The following ARHGAP6 variants were observed in gnomAD, a reference collection of about 807,000 sequenced individuals.
The protein encoded by ARHGAP6 is rho GTPase-activating protein 6.
ARHGAP6 carries 16 observed loss-of-function variants against 55.7 expected under a neutral mutation model. The observed-to-expected ratio is 0.29, with a 90% CI of 0.19 to 0.44. The LOEUF (loss-of-function observed/expected upper bound fraction) is 0.44, where lower values mean the gene tolerates loss of function less well. Among genes scored for constraint, ARHGAP6 ranks in the 20% least tolerant of loss-of-function variants. The pLI is 1.00. For missense variants in ARHGAP6, 698 were observed against 808.9 expected (o/e 0.86, Z 1.66); for synonymous variants, 382 against 360.9 (o/e 1.06, Z -0.66).
chrX:11,359,817 A>G (rs1379736144), intron 1 of ARHGAP6, among the ~76,000 whole-genome samples: 1 of 112,082 alleles, frequency 8.9e-6, no homozygotes, highest in Non-Finnish European at 1.9e-5. Context: ...AAAATGATAA[A>G]GGGGATATCA....
intron 2 of ARHGAP6, among the ~76,000 whole-genome samples, chrX:11,219,242 A>C (rs1447207571): frequency 1.4e-4 from 15 of 104,349 alleles, no homozygotes; most frequent in Admixed American, 1.4e-3. Context: ...GCTGCATAGT[A>C]TTCCATGGTG....
At chrX:11,606,631 T>C (rs1334916983) in intron 1 of ARHGAP6, among the ~76,000 whole-genome samples, 3 of 111,306 alleles carry the variant, frequency 2.7e-5, no homozygotes, top group Non-Finnish European at 3.8e-5. Context: ...AGGGAACACA[T>C]AGGGGAAAGC....
At chrX:11,413,336 T>C (rs1473319712) in intron 1 of ARHGAP6, among the ~76,000 whole-genome samples, 2 of 112,453 alleles carry the variant, frequency 1.8e-5, no homozygotes, top group Non-Finnish European at 3.8e-5. Context: ...CAGGAAATGA[T>C]AGCGGGAGGC....
At chrX:11,518,285 T>G (rs1238248415) in intron 1 of ARHGAP6, among the ~76,000 whole-genome samples, 1 of 109,814 alleles carries the variant, frequency 9.1e-6, no homozygotes, top group Non-Finnish European at 1.9e-5. Context: ...TGACTACAGA[T>G]GCATACCACC....
chrX:11,504,029 C>T (rs1193784553), intron 1 of ARHGAP6, among the ~76,000 whole-genome samples: 1 of 109,913 alleles, frequency 9.1e-6, no homozygotes, highest in Non-Finnish European at 1.9e-5. Context: ...GTGGTCTTGG[C>T]TGATGGAGTT....
At chrX:11,221,853 G>T (rs1202673631) in intron 2 of ARHGAP6, among the ~76,000 whole-genome samples, 4 of 111,006 alleles carry the variant, frequency 3.6e-5, no homozygotes, top group Non-Finnish European at 7.6e-5. Flanking sequence ...CATAGTACCT[G>T]ATGGGTGGTT....
intron 1 of ARHGAP6, among the ~76,000 whole-genome samples, chrX:11,606,564 A>G (rs755381278): frequency 9.0e-6 from 1 of 111,594 alleles, no homozygotes. Context: ...ATAGGGTCAC[A>G]TCATTAGTTA....
chrX:11,262,652 G>C (rs1209065267), intron 1 of ARHGAP6, among the ~76,000 whole-genome samples: 1 of 111,307 alleles, frequency 9.0e-6, no homozygotes, highest in African/African-American at 3.3e-5. Context: ...TAAACACGTA[G>C]GTTCCTTTGG....
In ARHGAP6 at chrX:11,318,812, T is replaced by C. The variant is rs1025422492; in HGVS notation, c.589-64105A>G. Reference sequence around the variant, plus strand: ...AATCCTGTGAGGATTCAACTGTTGATCCAGTCCCCAAAGCAATCAGATCTA... The same window carrying C: ...AATCCTGTGAGGATTCAACTGTTGACCCAGTCCCCAAAGCAATCAGATCTA... On this transcript the variant is annotated intron_variant, in intron 1 of 12. Transcript: ENST00000337414. The C allele has an allele frequency of 9.8e-5, 11 of 112,793 alleles. No individual in the cohort carries two copies. In the Admixed American group the frequency reaches 1.0e-3, roughly 11 times the overall value. 9.3% of individuals were successfully genotyped at this position (112,793 alleles called of 1,213,427 possible).
chrX:11,153,228 G>C (rs1000433194), intron 10 of ARHGAP6, among the ~76,000 whole-genome samples: 9 of 111,115 alleles, frequency 8.1e-5, no homozygotes, highest in African/African-American at 2.6e-4. Flanking sequence ...CCCATGCATA[G>C]TAAAGTTTGA....
intron 10 of ARHGAP6, among the ~76,000 whole-genome samples, chrX:11,147,854 G>C (rs1323957734): frequency 3.6e-5 from 4 of 112,276 alleles, no homozygotes; most frequent in Non-Finnish European, 5.6e-5. Context: ...CTGAAACCTA[G>C]AGATAAAAGT....
At position 11,226,168 on chromosome X, in the gene ARHGAP6, G is replaced by A. The variant is rs747556336; in HGVS notation, c.748+28380C>T. Among the ~76,000 whole-genome samples the A allele has an allele frequency of 6.0e-5, 5 of 83,949 alleles. No homozygotes were observed. In the South Asian group the frequency reaches 4.1e-3, roughly 69 times the overall value. 72.9% of individuals were successfully genotyped at this position (83,949 alleles called of 115,157 possible). A position where few individuals can be genotyped will look rare whatever the true frequency, so the allele number is the denominator to read the frequency against. ...TCCCCCGACCCCACAACAGTCCCCA[G>A]AGTGTGATGTTCCCCTTCCTGTGTC... On this transcript the variant is annotated intron_variant, in intron 2 of 12. Coordinates refer to ENST00000337414, the MANE Select transcript of ARHGAP6 (RefSeq NM_013427.3).
At chrX:11,518,702 T>C (rs2050875214) in intron 1 of ARHGAP6, among the ~76,000 whole-genome samples, 1 of 103,552 alleles carries the variant, frequency 9.7e-6, no homozygotes, top group African/African-American at 3.6e-5. Flanking sequence ...GTTACATATG[T>C]ATACATGTGC....
At chrX:11,411,724 G>T (rs1018496914) in intron 1 of ARHGAP6, among the ~76,000 whole-genome samples, 1 of 111,367 alleles carries the variant, frequency 9.0e-6, no homozygotes, top group East Asian at 2.8e-4. Context: ...CATTACTAAC[G>T]TATTTCAAGT....
At chrX:11,158,025 C>T (rs771998750) in intron 9 of ARHGAP6, among the ~76,000 whole-genome samples, 2 of 111,975 alleles carry the variant, frequency 1.8e-5, no homozygotes, top group South Asian at 7.5e-4. Flanking sequence ...ACTGCAGAGA[C>T]TCAAGTTCAA....
At chrX:11,343,531 T>C (rs2048731856) in intron 1 of ARHGAP6, among the ~76,000 whole-genome samples, 1 of 112,433 alleles carries the variant, frequency 8.9e-6, no homozygotes, top group Non-Finnish European at 1.9e-5. Flanking sequence ...CCAGGGTTAA[T>C]ATTCATTTGA....
At chrX:11,455,028 CTT>C (rs1397486505) in intron 1 of ARHGAP6, among the ~76,000 whole-genome samples, 5 of 111,108 alleles carry the variant, frequency 4.5e-5, no homozygotes, top group African/African-American at 1.6e-4. Flanking sequence ...CTTAATTGCT[CTT>C]GAGTTTTCCT....
At chrX:11,484,539 G>C (rs2050491803) in intron 1 of ARHGAP6, among the ~76,000 whole-genome samples, 1 of 105,010 alleles carries the variant, frequency 9.5e-6, no homozygotes, top group African/African-American at 3.5e-5. Flanking sequence ...GGAGGAGGAG[G>C]AAGAAGAGAA....
chrX:11,514,663 G>C (rs766677297), intron 1 of ARHGAP6, among the ~76,000 whole-genome samples: 1 of 110,936 alleles, frequency 9.0e-6, no homozygotes, highest in African/African-American at 3.3e-5. Context: ...GGCTTCACTC[G>C]TCTAGTTATC....
Sources: allele counts gnomAD v4.1 joint callset (sites outside exome capture counted in the v4.1 genomes callset), GRCh38; gene constraint gnomAD v4.1.1; transcripts MANE v1.5; gene names NCBI Gene and HGNC (gene_info 2026-07-23, HGNC 2026-07-21).